The following SHC4 variants were observed in gnomAD, a reference collection of about 807,000 sequenced individuals.
SHC4 encodes SHC adaptor protein 4.
A neutral mutation model predicts 69.4 loss-of-function variants in SHC4; 41 were observed. That is an observed-to-expected ratio of 0.59 (90% confidence interval 0.46 to 0.77). SHC4 has a LOEUF of 0.77. Ranked by LOEUF, SHC4 falls within the 30% of genes least tolerant of loss-of-function variation. SHC4 has a pLI of 0.00. For missense variants in SHC4, 777 were observed against 783.8 expected (o/e 0.99, Z 0.10); for synonymous variants, 318 against 299.3 (o/e 1.06, Z -0.64).
intron 9 of SHC4, among the ~76,000 whole-genome samples, chr15:48,850,739 T>C (rs979554676): frequency 1.3e-5 from 2 of 152,370 alleles, no homozygotes; most frequent in Non-Finnish European, 2.9e-5. Context: ...GACAAGCTCC[T>C]AAATGAGATT....
intron 3 of SHC4, among the ~76,000 whole-genome samples, chr15:48,886,178 A>G (rs1055677465): frequency 5.3e-5 from 8 of 151,984 alleles, no homozygotes; most frequent in Non-Finnish European, 1.2e-4. Context: ...AATCGCTTGA[A>G]CCTGGGAGGC....
At chr15:48,952,704 T>G (rs1444706019) in intron 1 of SHC4, among the ~76,000 whole-genome samples, 1 of 152,186 alleles carries the variant, frequency 6.6e-6, no homozygotes, top group Non-Finnish European at 1.5e-5. Context: ...ATTAGAACAA[T>G]GCAAATCAAA....
In SHC4 at chr15:48,843,393, G is replaced by T. The variant is rs1306031102; in HGVS notation, c.1483+16C>A. 2 of 1,593,944 alleles carry T rather than the reference G, an allele frequency of 1.3e-6. No individual in the cohort carries two copies. Among genetic ancestry groups the T allele is most frequent in the Non-Finnish European group, 1.7e-6 (2 of 1,167,186 alleles). On this transcript the variant is annotated intron_variant, in intron 10 of 11. Coordinates refer to ENST00000332408, the MANE Select transcript of SHC4 (RefSeq NM_203349.4). ...CAGCCCTAAGAAATGAATACAGACA[G>T]TGAGTAGCTACTTACTTCCGCAGTG... is the stretch of plus-strand genomic sequence containing the variant.
At chr15:48,922,933 A>G (rs1205842013) in intron 2 of SHC4, among the ~76,000 whole-genome samples, 1 of 152,234 alleles carries the variant, frequency 6.6e-6, no homozygotes, top group Non-Finnish European at 1.5e-5. Flanking sequence ...GAAGATTTAA[A>G]GGGGAGAAGA....
intron 2 of SHC4, among the ~76,000 whole-genome samples, chr15:48,905,965 T>C (rs1900398554): frequency 1.3e-5 from 2 of 152,212 alleles, no homozygotes; most frequent in South Asian, 4.1e-4. Flanking sequence ...ATGTAGATCA[T>C]ATTTTCCATG....
At chr15:48,878,528 A>G in intron 4 of SHC4, 1 of 1,614,092 alleles carries the variant, frequency 6.2e-7, no homozygotes, top group Non-Finnish European at 8.5e-7. Context: ...GGAGCAGCTC[A>G]GTGGTGCCGG....
chr15:48,880,467 G>A (rs567485627), intron 4 of SHC4, among the ~76,000 whole-genome samples: 28 of 152,200 alleles, frequency 1.8e-4, no homozygotes, highest in Admixed American at 3.3e-4. Flanking sequence ...AAACTGGCTG[G>A]TTGTATTTAC....
At chr15:48,828,899 A>C (rs1412617988) in intron 11 of SHC4, among the ~76,000 whole-genome samples, 3 of 152,046 alleles carry the variant, frequency 2.0e-5, no homozygotes, top group Admixed American at 2.0e-4. Flanking sequence ...GGCGTTCCTT[A>C]TATATTTTGG....
intron 1 of SHC4, among the ~76,000 whole-genome samples, chr15:48,960,331 TGTAGGTGATG>T (rs1372282731): frequency 2.0e-5 from 3 of 152,118 alleles, no homozygotes; most frequent in African/African-American, 7.2e-5. Flanking sequence ...CTAGAGGATG[TGTAGGTGATG>T]GTAAGGCAAG....
chr15:48,909,252 G>A (rs971203047), intron 2 of SHC4, among the ~76,000 whole-genome samples: 7 of 150,416 alleles, frequency 4.7e-5, no homozygotes, highest in African/African-American at 1.7e-4. Context: ...CTTCCTTGTA[G>A]AGGTCTTTTG....
chr15:48,907,057 C>T (rs1156502766), intron 2 of SHC4, among the ~76,000 whole-genome samples: 2 of 151,864 alleles, frequency 1.3e-5, no homozygotes, highest in African/African-American at 2.4e-5. Context: ...AGTGATTTGC[C>T]TTTTTTAAAA....
chr15:48,874,841 T>A (rs1040003613), intron 4 of SHC4, among the ~76,000 whole-genome samples: 2 of 152,270 alleles, frequency 1.3e-5, no homozygotes, highest in Non-Finnish European at 2.9e-5. Flanking sequence ...CTGCAGCTGA[T>A]GGCAGGCTTT....
At chr15:48,858,318 C>T (rs1010912343) in intron 6 of SHC4, among the ~76,000 whole-genome samples, 1 of 152,124 alleles carries the variant, frequency 6.6e-6, no homozygotes, top group Non-Finnish European at 1.5e-5. Context: ...CCCCCCGCCC[C>T]GCTGCCACCC....
intron 2 of SHC4, among the ~76,000 whole-genome samples, chr15:48,914,084 C>T (rs1326695484): frequency 6.6e-6 from 1 of 152,236 alleles, no homozygotes; most frequent in African/African-American, 2.4e-5. Flanking sequence ...TGGTCTCACA[C>T]TCCTGGGCTC....
intron 4 of SHC4, among the ~76,000 whole-genome samples, chr15:48,882,663 G>T (rs1406909260): frequency 6.6e-6 from 1 of 152,078 alleles, no homozygotes; most frequent in African/African-American, 2.4e-5. Flanking sequence ...CTACCCAAAA[G>T]GCTGTCATTA....
At chr15:48,856,399 T>C (rs972535584) in intron 7 of SHC4, among the ~76,000 whole-genome samples, 2 of 152,130 alleles carry the variant, frequency 1.3e-5, no homozygotes, top group African/African-American at 4.8e-5. Flanking sequence ...ATAATAACAA[T>C]ATATGAACTT....
intron 2 of SHC4, among the ~76,000 whole-genome samples, chr15:48,911,183 T>C (rs1292122369): frequency 6.6e-6 from 1 of 152,196 alleles, no homozygotes; most frequent in Non-Finnish European, 1.5e-5. Context: ...CCCACTATTA[T>C]TGTGTTGCTG....
intron 9 of SHC4, among the ~76,000 whole-genome samples, chr15:48,849,034 T>C (rs778069561): frequency 3.9e-5 from 6 of 152,120 alleles, no homozygotes; most frequent in Non-Finnish European, 7.4e-5. Context: ...GACTATTTAA[T>C]GGAGAGGAGA....
At chr15:48,831,859 T>C (rs570166638) in intron 11 of SHC4, among the ~76,000 whole-genome samples, 1 of 152,378 alleles carries the variant, frequency 6.6e-6, no homozygotes, top group Admixed American at 6.5e-5. Context: ...TGTTACTGTT[T>C]GGTATCCTTT....
Sources: gnomAD v4.1 joint callset for allele counts (sites outside exome capture counted in the v4.1 genomes callset) on GRCh38, gnomAD v4.1.1 for gene constraint, MANE v1.5 for transcripts, NCBI Gene and HGNC (gene_info 2026-07-23, HGNC 2026-07-21) for gene names.